KDM3B: variants seen among roughly 807,000 people sequenced by gnomAD.
KDM3B encodes the protein lysine-specific demethylase 3B.
KDM3B carries 10 observed loss-of-function variants against 170.0 expected under a neutral mutation model. That is an observed-to-expected ratio of 0.06 (90% CI 0.04 to 0.10). The LOEUF (loss-of-function observed/expected upper bound fraction) is 0.10. Among genes scored for constraint, KDM3B ranks in the 10% least tolerant of loss-of-function variants. The pLI is 1.00. For synonymous variants in KDM3B, 831 were observed against 834.8 expected (o/e 1.00, Z 0.08); for missense variants, 1,394 against 2,195.2 (o/e 0.64, Z 7.29).
intron 17 of KDM3B, among the ~76,000 whole-genome samples, chr5:138,426,340 C>T (rs1326780337): frequency 6.6e-6 from 1 of 151,860 alleles, no homozygotes; most frequent in Non-Finnish European, 1.5e-5. Flanking sequence ...TTTGGGAGGC[C>T]GAGGCGGGTG....
intron 1 of KDM3B, among the ~76,000 whole-genome samples, chr5:138,354,853 C>T (rs890772810): frequency 6.6e-6 from 1 of 152,196 alleles, no homozygotes; most frequent in Non-Finnish European, 1.5e-5. Flanking sequence ...GCTTGTCTTA[C>T]ATGTATATCC....
chr5:138,431,738 T>A (rs1471207389), intron 23 of KDM3B, among the ~76,000 whole-genome samples, 179 bp downstream of exon 23: 3 of 152,138 alleles, frequency 2.0e-5, no homozygotes, highest in South Asian at 2.1e-4. Flanking sequence ...AATTTTTTTT[T>A]AAGTTTTTCT....
chr5:138,401,498 C>T (rs1762693774), intron 11 of KDM3B, among the ~76,000 whole-genome samples: 1 of 152,056 alleles, frequency 6.6e-6, no homozygotes, highest in Non-Finnish European at 1.5e-5. Flanking sequence ...TTTGGATATA[C>T]TTCATTTTGT....
At chr5:138,365,558 T>C (rs1761723433) in intron 1 of KDM3B, among the ~76,000 whole-genome samples, 1 of 151,984 alleles carries the variant, frequency 6.6e-6, no homozygotes, top group African/African-American at 2.4e-5. Flanking sequence ...GCGCATGGCC[T>C]ATACAGTATT....
rs776878334 is a variant in KDM3B, at chr5:138,391,617, C to T, written c.1985C>T (p.Ser662Phe). The T allele has an allele frequency of 6.2e-7, 1 of 1,614,152 alleles. No individual in the cohort carries two copies. The highest frequency in any genetic ancestry group is 1.7e-5 in the Admixed American group (1 of 60,018). The change falls in exon 8 of 24, where the codon TCT (serine) becomes TTT (phenylalanine). Residue 662 changes from serine to phenylalanine, a missense_variant. Around this residue, in one of 19 missense-constraint regions of KDM3B, gnomAD observed 294 missense variants for 311.7 expected, o/e 0.94. Coordinates refer to ENST00000314358, the MANE Select transcript of KDM3B (RefSeq NM_016604.4). This position sits in a 1 kb window ranked among gnomAD's most constrained non-coding sequence, Gnocchi z 5.0. ...FASQASGSSS[S>F]ATTVTSKVAP... ...TCTCAGGCATCAGGTAGCTCCTCTT[C>T]TGCTACCACTGTCACCTCCAAGGTG...
At chr5:138,379,094 G>C (rs1399154285) in intron 4 of KDM3B, among the ~76,000 whole-genome samples, 2 of 152,060 alleles carry the variant, frequency 1.3e-5, no homozygotes, top group Non-Finnish European at 2.9e-5. Flanking sequence ...TTCATAAATT[G>C]AACTCTTCAC....
rs761841385 is a variant in KDM3B, at chr5:138,391,762, T to G, written c.2130T>G (p.Leu710=). Residue 710 remains leucine, a synonymous_variant, in exon 8 of 24, where the codon CTT becomes CTG. Transcript: ENST00000314358. This position sits in a 1 kb window ranked among gnomAD's most constrained non-coding sequence, Gnocchi z 5.0. ...KLVSGVLGSA[L]TSGGPSLSAM... ...TATCTGGTGTTCTGGGCTCAGCTCT[T>G]ACCAGTGGGGGCCCAAGCCTCTCTG... The G allele has an allele frequency of 1.2e-6, 2 of 1,614,060 alleles. No individual in the cohort carries two copies. The highest frequency in any genetic ancestry group is 1.7e-6 in the Non-Finnish European group (2 of 1,179,996).
intron 9 of KDM3B, among the ~76,000 whole-genome samples, chr5:138,395,247 G>A (rs890441456): frequency 1.3e-5 from 2 of 152,166 alleles, no homozygotes; most frequent in Non-Finnish European, 2.9e-5. Context: ...GGTATTTAAA[G>A]CTGTCAGTCT....
chr5:138,405,039 C>A (rs1251588086), intron 11 of KDM3B, among the ~76,000 whole-genome samples: 1 of 151,188 alleles, frequency 6.6e-6, no homozygotes, highest in Non-Finnish European at 1.5e-5. Context: ...CCGTGCCCAG[C>A]CTACAAATTT....
intron 10 of KDM3B, among the ~76,000 whole-genome samples, chr5:138,399,124 G>A (rs1762617139): frequency 6.6e-6 from 1 of 151,346 alleles, no homozygotes; most frequent in Non-Finnish European, 1.5e-5. Context: ...TCCTGACCTC[G>A]TGATCTGCCC....
Position 138,356,636 on chromosome 5 carries a change from C to CTT in KDM3B, c.192+3672_192+3673dup, listed in dbSNP as rs539401228. Among the ~76,000 whole-genome samples the CTT allele has an allele frequency of 7.6e-3, 655 of 86,010 alleles. 2 individuals carry two copies. Among genetic ancestry groups the CTT allele is most frequent in the Non-Finnish European group, 9.2e-3 (428 of 46,462 alleles). 56.4% of individuals were successfully genotyped at this position (86,010 alleles called of 152,430 possible). A position where few individuals can be genotyped will look rare whatever the true frequency, so the allele number is the denominator to read the frequency against. On this transcript the variant is annotated intron_variant, in intron 1 of 23. Transcript: ENST00000314358. The stretch of plus-strand genomic sequence containing the variant: ...GTATTTTGTTTCACTTGTCTCTTGA[C>CTT]TTTTTTTTTTTTTTTTTTTTTTTTG...
chr5:138,405,593 C>T (rs866356051), intron 11 of KDM3B, among the ~76,000 whole-genome samples: 1 of 151,444 alleles, frequency 6.6e-6, no homozygotes, highest in East Asian at 1.9e-4. Flanking sequence ...CAGATCCACA[C>T]GATAATAAAG....
At chr5:138,375,987 T>TTAA in intron 3 of KDM3B, among the ~76,000 whole-genome samples, 1 of 151,884 alleles carries the variant, frequency 6.6e-6, no homozygotes, top group East Asian at 1.9e-4. Flanking sequence ...TTTTTAAATT[T>TTAA]TTATTTATTT....
chr5:138,378,496 C>T (rs933719533), intron 4 of KDM3B, among the ~76,000 whole-genome samples: 1 of 152,140 alleles, frequency 6.6e-6, no homozygotes, highest in African/African-American at 2.4e-5. Context: ...CAAGATTCTA[C>T]ACAAAAGGTA....
At chr5:138,427,484 T>A (rs1442259455) in intron 19 of KDM3B, among the ~76,000 whole-genome samples, 165 bp downstream of exon 19, 1 of 152,242 alleles carries the variant, frequency 6.6e-6, no homozygotes, top group African/African-American at 2.4e-5. Flanking sequence ...TTTGTCATAT[T>A]GGTTTTCATA....
chr5:138,389,814 C>T (rs1364888899), intron 7 of KDM3B, among the ~76,000 whole-genome samples: 1 of 95,070 alleles, frequency 1.1e-5, no homozygotes, highest in East Asian at 4.2e-4. Flanking sequence ...GTGTGTGTGT[C>T]CCTTTCTCTT....
At chr5:138,434,547 C>CA (rs747418307) in intron 23 of KDM3B, among the ~76,000 whole-genome samples, 4,009 of 92,612 alleles carry the variant, frequency 0.043, 81 homozygotes, top group Middle Eastern at 0.069. Context: ...GACTCCATCT[C>CA]AAAAAAAAAA....
intron 11 of KDM3B, 105 bp downstream of exon 11, chr5:138,400,117 A>G (rs900123881): frequency 1.8e-6 from 2 of 1,111,550 alleles, no homozygotes; most frequent in African/African-American, 3.1e-5. Flanking sequence ...GCCTCTCTTT[A>G]GCTGCTTGGC....
At chr5:138,373,823 TTCTG>T (rs1010093461) in intron 2 of KDM3B, among the ~76,000 whole-genome samples, 1 of 152,120 alleles carries the variant, frequency 6.6e-6, no homozygotes, top group African/African-American at 2.4e-5. Context: ...ATCCATTTGT[TTCTG>T]TCTGTCTTAT....
Sources: allele counts gnomAD v4.1 joint callset (sites outside exome capture counted in the v4.1 genomes callset), GRCh38; gene constraint gnomAD v4.1.1; regional missense constraint gnomAD v4.1.1; non-coding constraint Gnocchi (gnomAD v3.1); transcripts MANE v1.5; gene names NCBI Gene and HGNC (gene_info 2026-07-23, HGNC 2026-07-21).